The following GRM5 variants were observed in gnomAD, a reference collection of about 807,000 sequenced individuals.
The protein encoded by GRM5 is metabotropic glutamate receptor 5.
GRM5 carries 19 observed loss-of-function variants against 83.1 expected under a neutral mutation model. That is an observed-to-expected ratio of 0.23 (90% CI 0.16 to 0.34). The LOEUF is 0.34. Ranked by LOEUF, GRM5 falls within the 10% of genes least tolerant of loss-of-function variation. The probability of loss-of-function intolerance (pLI) is 1.00; values close to 1 mark genes in which losing one functional copy is unlikely to be tolerated. For synonymous variants in GRM5, 675 were observed against 633.6 expected (o/e 1.07, Z -0.98); for missense variants, 1,160 against 1,588.3 (o/e 0.73, Z 4.58).
chr11:88,753,568 C>G (rs930384362), intron 3 of GRM5, among the ~76,000 whole-genome samples: 15 of 152,208 alleles, frequency 9.9e-5, no homozygotes, highest in Middle Eastern at 3.4e-3. Context: ...AATCCCATTA[C>G]TAGGTACATA....
intron 3 of GRM5, among the ~76,000 whole-genome samples, chr11:88,664,931 A>G (rs571170591): frequency 6.6e-6 from 1 of 152,200 alleles, no homozygotes. Flanking sequence ...AGGAAAGACT[A>G]TATGTATGAA....
At chr11:88,978,214 T>C (rs1939402604) in intron 2 of GRM5, among the ~76,000 whole-genome samples, 1 of 152,040 alleles carries the variant, frequency 6.6e-6, no homozygotes, top group African/African-American at 2.4e-5. Flanking sequence ...GTAGATCTTA[T>C]GTTAATTGTT....
intron 8 of GRM5, among the ~76,000 whole-genome samples, chr11:88,560,994 T>C (rs533727610): frequency 1.5e-4 from 23 of 152,216 alleles, no homozygotes; most frequent in African/African-American, 3.1e-4. Flanking sequence ...TAGGGTCTCA[T>C]TGAGGTGTCC....
chr11:88,768,126 G>C (rs771775249), intron 3 of GRM5, among the ~76,000 whole-genome samples: 15 of 151,952 alleles, frequency 9.9e-5, no homozygotes, highest in Non-Finnish European at 1.8e-4. Context: ...AGGTATCAAA[G>C]AGATAATGTT....
chr11:88,588,900 C>T (rs1298795352), intron 7 of GRM5, among the ~76,000 whole-genome samples: 1 of 152,098 alleles, frequency 6.6e-6, no homozygotes, highest in Admixed American at 6.6e-5. Context: ...GGAAGCATTG[C>T]TGTTTTTCCA....
intron 9 of GRM5, among the ~76,000 whole-genome samples, chr11:88,511,024 TA>T (rs1429906590): frequency 6.6e-6 from 1 of 152,216 alleles, no homozygotes; most frequent in African/African-American, 2.4e-5. Flanking sequence ...AAATTCTGTG[TA>T]AGACTCATCT....
chr11:88,718,756 C>A (rs961355086), intron 3 of GRM5, among the ~76,000 whole-genome samples: 1 of 151,820 alleles, frequency 6.6e-6, no homozygotes, highest in African/African-American at 2.4e-5. Context: ...CTATAATTTT[C>A]TATAATGTGA....
At chr11:89,009,900 CAAAAAAAAAAAAAAA>C (rs758398638) in intron 2 of GRM5, among the ~76,000 whole-genome samples, 765 of 21,712 alleles carry the variant, frequency 0.035, 36 homozygotes, top group African/African-American at 0.084. Context: ...GACTCCGTCT[CAAAAAAAAAAAAAAA>C]AAAAAAAAAA....
chr11:88,597,297 C>A lies in GRM5; in HGVS notation c.1450G>T (p.Val484Phe). Residue 484 changes from valine to phenylalanine, a missense_variant, in exon 6 of 10, where the codon GTT (valine) becomes TTT (phenylalanine). This residue lies in a region of GRM5 where 132 missense variants were observed against 197.6 expected (regional missense o/e 0.67). Transcript: ENST00000305447. ...AATTCTCCATTGTCCCAACTTCCAA[C>A]GTTGATATAATCAAAGTAATCTTTT... ...MGKDYFDYIN[V>F]GSWDNGELKM... 2 of 1,576,172 alleles carry A rather than the reference C, an allele frequency of 1.3e-6. No individual in the cohort carries two copies. Among genetic ancestry groups the A allele is most frequent in the Non-Finnish European group, 1.7e-6 (2 of 1,146,846 alleles).
chr11:88,925,767 C>A (rs1358191967), intron 2 of GRM5: 1 of 453,144 alleles, frequency 2.2e-6, no homozygotes, highest in Non-Finnish European at 4.4e-6. Flanking sequence ...CAAAAATTAC[C>A]TGGGTGTGGT....
At chr11:88,782,543 G>A (rs984812795) in intron 3 of GRM5, among the ~76,000 whole-genome samples, 1 of 152,132 alleles carries the variant, frequency 6.6e-6, no homozygotes, top group African/African-American at 2.4e-5. Flanking sequence ...TGAGATTTGG[G>A]TGGGGACACA....
In GRM5 at chr11:88,607,068, C is replaced by T. The variant is rs180841350; in HGVS notation, c.1148-2104G>A. Among the ~76,000 whole-genome samples, 162 of 151,638 alleles carry T rather than the reference C, an allele frequency of 1.1e-3. 1 individual carries two copies. Among genetic ancestry groups the T allele is most frequent in the Middle Eastern group, 3.4e-3 (1 of 294 alleles). ...TTGATTGCTGGCCCAAATACTGACA[C>T]CTTTAATTTCCCCAGTAGAGAGTCT... is the stretch of plus-strand genomic sequence containing the variant. On this transcript the variant is annotated intron_variant, in intron 4 of 9. Transcript: ENST00000305447.
intron 2 of GRM5, among the ~76,000 whole-genome samples, chr11:88,882,103 G>T (rs1399897922): frequency 6.6e-6 from 1 of 151,848 alleles, no homozygotes; most frequent in African/African-American, 2.4e-5. Context: ...TAGCTGGGTG[G>T]GGTAGCATCT....
At chr11:88,838,837 G>C (rs1315904410) in intron 3 of GRM5, among the ~76,000 whole-genome samples, 3 of 149,022 alleles carry the variant, frequency 2.0e-5, no homozygotes, top group Admixed American at 6.7e-5. Context: ...TCCACTGACT[G>C]TTTCTCAACC....
At chr11:88,883,319 C>A (rs183382495) in intron 2 of GRM5, among the ~76,000 whole-genome samples, 3 of 152,244 alleles carry the variant, frequency 2.0e-5, no homozygotes, top group Admixed American at 2.0e-4. Flanking sequence ...ATGATATGGA[C>A]AATGAAGTCC....
At chr11:88,650,384 T>C in intron 4 of GRM5, among the ~76,000 whole-genome samples, 1 of 151,906 alleles carries the variant, frequency 6.6e-6, no homozygotes, top group East Asian at 1.9e-4. Flanking sequence ...CTCAAAGAAA[T>C]GTTCAAAAGT....
intron 9 of GRM5, among the ~76,000 whole-genome samples, chr11:88,517,233 G>A (rs1292974895): frequency 6.6e-6 from 1 of 151,540 alleles, no homozygotes; most frequent in Admixed American, 6.6e-5. Flanking sequence ...TCATATGCAT[G>A]CTATTAAATT....
At chr11:89,010,570 G>T (rs184936978) in intron 2 of GRM5, among the ~76,000 whole-genome samples, 1 of 151,786 alleles carries the variant, frequency 6.6e-6, no homozygotes, top group Non-Finnish European at 1.5e-5. Context: ...TTGTTAAAAT[G>T]ATATATAGCT....
chr11:88,702,796 T>C (rs1941064786), intron 3 of GRM5, among the ~76,000 whole-genome samples: 1 of 151,928 alleles, frequency 6.6e-6, no homozygotes, highest in Non-Finnish European at 1.5e-5. Flanking sequence ...AGAGGAGAAA[T>C]ATACACCAGG....
Sources: gnomAD v4.1 joint callset for allele counts (sites outside exome capture counted in the v4.1 genomes callset) on GRCh38, gnomAD v4.1.1 for gene constraint, gnomAD v4.1.1 regional missense constraint, MANE v1.5 for transcripts, NCBI Gene and HGNC (gene_info 2026-07-23, HGNC 2026-07-21) for gene names.